CTCF: variants seen among roughly 807,000 people sequenced by gnomAD.
The protein encoded by CTCF is transcriptional repressor CTCF.
In CTCF, 7 loss-of-function variants were observed where a neutral mutation model predicts 72.3. The observed-to-expected ratio is 0.10, with a 90% CI of 0.06 to 0.18. The LOEUF is 0.18. Among genes scored for constraint, CTCF ranks in the 10% least tolerant of loss-of-function variants. The probability of loss-of-function intolerance (pLI) is 1.00; values close to 1 mark genes in which losing one functional copy is unlikely to be tolerated. For synonymous variants in CTCF, 374 were observed against 315.8 expected (o/e 1.18, Z -1.95); for missense variants, 516 against 949.1 (o/e 0.54, Z 6.00).
intron 1 of CTCF, among the ~76,000 whole-genome samples, chr16:67,570,305 C>G (rs1649731532): frequency 6.6e-6 from 1 of 151,398 alleles, no homozygotes; most frequent in South Asian, 2.1e-4. Flanking sequence ...TGGTCTTGAT[C>G]TGCTGACCTC....
intron 2 of CTCF, among the ~76,000 whole-genome samples, chr16:67,582,894 A>C (rs1454458885): frequency 6.6e-6 from 1 of 151,896 alleles, no homozygotes; most frequent in Non-Finnish European, 1.5e-5. Context: ...AGCTATGTAG[A>C]TTATCCTATC....
At chr16:67,620,561 G>C (rs116512569) in intron 5 of CTCF, 136 bp from the exon 6 acceptor site, 4 of 630,334 alleles carry the variant, frequency 6.3e-6, no homozygotes, top group Non-Finnish European at 1.0e-5. Context: ...ATAATGAAGA[G>C]GGAAGAAGGT....
chr16:67,634,669 C>G (rs1243651267), intron 10 of CTCF, among the ~76,000 whole-genome samples: 1 of 151,748 alleles, frequency 6.6e-6, no homozygotes. Flanking sequence ...AGACACACAC[C>G]ACCGTGTCCT....
At chr16:67,604,321 T>G (rs2051940218) in intron 2 of CTCF, among the ~76,000 whole-genome samples, 1 of 151,724 alleles carries the variant, frequency 6.6e-6, no homozygotes, top group African/African-American at 2.4e-5. Flanking sequence ...GCATAACAAT[T>G]TTTTTTGTTA....
chr16:67,601,255 TTTTG>T (rs761784809), intron 2 of CTCF, among the ~76,000 whole-genome samples: 1,295 of 126,512 alleles, frequency 0.01, 21 homozygotes, highest in South Asian at 0.045. Context: ...TGTGTGTGTG[TTTTG>T]TTTTGTTTTT....
chr16:67,633,781 GACACACACAC>G (rs10587869), intron 10 of CTCF, among the ~76,000 whole-genome samples: 28 of 143,200 alleles, frequency 2.0e-4, no homozygotes, highest in East Asian at 1.9e-3. Context: ...CTTGTCCCCT[GACACACACAC>G]ACACACACAC....
chr16:67,593,912 G>C (rs952387622), intron 2 of CTCF, among the ~76,000 whole-genome samples: 6 of 152,172 alleles, frequency 3.9e-5, no homozygotes, highest in African/African-American at 1.4e-4. Flanking sequence ...GCAGTGGTGA[G>C]TATAAAAGGT....
chr16:67,574,059 TG>T (rs2051461408), intron 2 of CTCF, among the ~76,000 whole-genome samples: 1 of 149,858 alleles, frequency 6.7e-6, no homozygotes, highest in African/African-American at 2.4e-5. Flanking sequence ...TGACCAAAGA[TG>T]GGGTGGAGGG....
At chr16:67,608,397 G>A (rs1156480008) in intron 2 of CTCF, among the ~76,000 whole-genome samples, 1 of 151,970 alleles carries the variant, frequency 6.6e-6, no homozygotes, top group Non-Finnish European at 1.5e-5. Flanking sequence ...TGATCTCATT[G>A]TCAGGAGAGA....
intron 2 of CTCF, among the ~76,000 whole-genome samples, chr16:67,597,961 T>C (rs757062633): frequency 3.3e-5 from 5 of 151,990 alleles, no homozygotes; most frequent in Non-Finnish European, 5.9e-5. Context: ...GAAGGGTTGT[T>C]TTCTTTTTGG....
At chr16:67,629,176 G>T (rs2052330180) in intron 9 of CTCF, among the ~76,000 whole-genome samples, 1 of 137,488 alleles carries the variant, frequency 7.3e-6, no homozygotes, top group Non-Finnish European at 1.6e-5. Context: ...ACAGAACTAA[G>T]AGCTGGTCTG....
At chr16:67,631,831 G>A (rs12930013) in intron 10 of CTCF, among the ~76,000 whole-genome samples, 10 of 151,606 alleles carry the variant, frequency 6.6e-5, no homozygotes, top group Non-Finnish European at 1.2e-4. Context: ...CCAGCACTTC[G>A]GTAGGCCAAG....
intron 2 of CTCF, among the ~76,000 whole-genome samples, chr16:67,608,951 G>C (rs1013936872): frequency 6.6e-6 from 1 of 152,080 alleles, no homozygotes; most frequent in Admixed American, 6.6e-5. Flanking sequence ...ATGTTGTTCA[G>C]GGTGGTCTCG....
intron 5 of CTCF, among the ~76,000 whole-genome samples, chr16:67,618,015 A>G (rs938542515): frequency 6.6e-5 from 10 of 152,214 alleles, no homozygotes; most frequent in Admixed American, 3.3e-4. Context: ...GAAAAACCAT[A>G]TTATTTCTGT....
chr16:67,589,779 G>A (rs1291860558), intron 2 of CTCF, among the ~76,000 whole-genome samples: 3 of 151,986 alleles, frequency 2.0e-5, no homozygotes, highest in South Asian at 2.1e-4. Context: ...CCTAATACCC[G>A]ATTTCTTCCA....
At chr16:67,631,612 T>G (rs1228332460) in intron 10 of CTCF, among the ~76,000 whole-genome samples, 1 of 151,942 alleles carries the variant, frequency 6.6e-6, no homozygotes, top group African/African-American at 2.4e-5. Flanking sequence ...CTTTATGGGT[T>G]TTATTGTAAA....
intron 2 of CTCF, among the ~76,000 whole-genome samples, chr16:67,596,570 TTTTTATTTTA>T (rs577628357): frequency 1.3e-5 from 2 of 151,890 alleles, no homozygotes; most frequent in Non-Finnish European, 2.9e-5. Flanking sequence ...CATAATTTTA[TTTTTATTTTA>T]TTTTATTTTA....
chr16:67,618,012 C>T (rs924520790), intron 5 of CTCF, among the ~76,000 whole-genome samples: 1 of 152,102 alleles, frequency 6.6e-6, no homozygotes, highest in African/African-American at 2.4e-5. Flanking sequence ...GAAGAAAAAC[C>T]ATATTATTTC....
intron 2 of CTCF, among the ~76,000 whole-genome samples, chr16:67,571,801 CAG>C (rs963385224): frequency 2.0e-5 from 3 of 152,100 alleles, no homozygotes; most frequent in African/African-American, 7.2e-5. Context: ...CATTTTGCGT[CAG>C]AGTGTGACAG....
Sources: gnomAD v4.1 joint callset for allele counts (sites outside exome capture counted in the v4.1 genomes callset) on GRCh38, gnomAD v4.1.1 for gene constraint, MANE v1.5 for transcripts, NCBI Gene and HGNC (gene_info 2026-07-23, HGNC 2026-07-21) for gene names.